The following ARHGAP25 variants were observed in gnomAD, a reference collection of about 807,000 sequenced individuals.
ARHGAP25 encodes Rho GTPase activating protein 25, also known as rho GTPase-activating protein 25.
ARHGAP25 carries 34 observed loss-of-function variants against 71.0 expected under a neutral mutation model. That is an observed-to-expected ratio of 0.48 (90% CI 0.36 to 0.64). The LOEUF (loss-of-function observed/expected upper bound fraction) is 0.64, where lower values mean the gene tolerates loss of function less well. ARHGAP25 is among the 30% of genes least tolerant of loss of function. ARHGAP25 has a pLI of 0.00. For missense variants in ARHGAP25, 706 were observed against 805.1 expected, an observed-to-expected ratio of 0.88 and a Z score of 1.49; for synonymous variants, 282 against 296.5, an observed-to-expected ratio of 0.95 and a Z score of 0.50.
chr2:68,756,814 A>G (rs1676507876), intron 1 of ARHGAP25, among the ~76,000 whole-genome samples: 1 of 152,224 alleles, frequency 6.6e-6, no homozygotes. Flanking sequence ...AACAAAGACC[A>G]ACAGAAACAG....
At chr2:68,778,595 C>T (rs995157913) in intron 2 of ARHGAP25, among the ~76,000 whole-genome samples, 23 of 152,172 alleles carry the variant, frequency 1.5e-4, no homozygotes, top group African/African-American at 5.1e-4. Flanking sequence ...AGCCATCAGG[C>T]GTAAGGGCCC....
chr2:68,813,500 G>A (rs1362738892), intron 6 of ARHGAP25, 81 bp downstream of exon 6: 4 of 1,492,504 alleles, frequency 2.7e-6, no homozygotes, highest in Admixed American at 2.2e-5. Flanking sequence ...GCAACAGTGG[G>A]TCAAGGGGCC....
chr2:68,727,333 G>A (rs1450391172), intron 2 of ARHGAP25, among the ~76,000 whole-genome samples: 1 of 152,100 alleles, frequency 6.6e-6, no homozygotes, highest in Non-Finnish European at 1.5e-5. Context: ...TAAGATGTGG[G>A]TACAAAAAGT....
rs899784543 is a variant in ARHGAP25, at chr2:68,815,489, C to G, written c.808-800C>G. 3.2e-5 allele frequency among the ~76,000 whole-genome samples: 4 copies of G among 123,180 alleles called. No individual in the cohort carries two copies. In the East Asian group the frequency reaches 1.1e-3, roughly 34 times the overall value. 80.8% of individuals were successfully genotyped at this position (123,180 alleles called of 152,430 possible). On this transcript the variant is annotated intron_variant, in intron 6 of 10. Transcript: ENST00000409202. Reference sequence around the variant, plus strand: ...TTTTTGAGATGGAGTTTGGCTCTTTCGCCCAGGCTGGAGTGCAGTGGCGCG... The same window carrying G: ...TTTTTGAGATGGAGTTTGGCTCTTTGGCCCAGGCTGGAGTGCAGTGGCGCG...
chr2:68,813,098 G>A (rs1680950766), intron 5 of ARHGAP25, among the ~76,000 whole-genome samples, 189 bp from the exon 6 acceptor site: 1 of 152,170 alleles, frequency 6.6e-6, no homozygotes, highest in Non-Finnish European at 1.5e-5. Context: ...ATTTATTCAA[G>A]AATGTTGTTC....
Position 68,826,057 on chromosome 2 carries a change from A to G in ARHGAP25, c.1804A>G (p.Lys602Glu), listed in dbSNP as rs1439530185. 6.2e-7 allele frequency: 1 copy of G among 1,614,100 alleles called. No homozygotes were observed. The highest frequency in any genetic ancestry group is 1.3e-5 in the African/African-American group (1 of 75,038). Residue 602 changes from lysine to glutamate, a missense_variant, in exon 11 of 11, where the codon AAG (lysine) becomes GAG (glutamate). Coordinates refer to ENST00000409202, the MANE Select transcript of ARHGAP25 (RefSeq NM_001007231.3). ...RLNEELEKEK[K>E]KSAALEISLR... ...CAATGAAGAACTGGAGAAGGAAAAG[A>G]AGAAGTCTGCAGCCCTAGAGATCAG... is the stretch of plus-strand genomic sequence containing the variant.
intron 9 of ARHGAP25, chr2:68,819,732 T>C: frequency 2.0e-6 from 1 of 506,608 alleles, no homozygotes; most frequent in Non-Finnish European, 3.5e-6. Flanking sequence ...CGTGATTCCT[T>C]TCTCAGAGTA....
rs185843197 is a variant in ARHGAP25 at position 68,763,974 on chromosome 2, T to C, written c.62-11247T>C. ...TTATAGGGTTGTGTGATGATTACCATAGTCCAGTTTTAGGACATTTTTATT... is the reference window on the plus strand; with the variant it reads ...TTATAGGGTTGTGTGATGATTACCACAGTCCAGTTTTAGGACATTTTTATT... On this transcript the variant is annotated intron_variant, in intron 1 of 10. Transcript: ENST00000409202. Among the ~76,000 whole-genome samples, 477 of 152,334 alleles carry C rather than the reference T, an allele frequency of 3.1e-3. 3 individuals carry two copies. The highest frequency in any genetic ancestry group is 0.011 in the African/African-American group (458 of 41,574).
chr2:68,720,327 A>AG (rs1674728021), intron 2 of ARHGAP25, among the ~76,000 whole-genome samples: 2 of 150,820 alleles, frequency 1.3e-5, no homozygotes, highest in African/African-American at 4.9e-5. Context: ...AAAAAAAAAA[A>AG]AAAAAAGAAA....
At chr2:68,742,506 A>T (rs1338549889) in intron 1 of ARHGAP25, among the ~76,000 whole-genome samples, 3 of 152,230 alleles carry the variant, frequency 2.0e-5, no homozygotes, top group Non-Finnish European at 4.4e-5. Context: ...AAATGAGTGC[A>T]ATCCTAGTGC....
intron 5 of ARHGAP25, 88 bp downstream of exon 5, chr2:68,807,568 G>T: frequency 1.5e-6 from 2 of 1,331,484 alleles, no homozygotes; most frequent in Non-Finnish European, 2.1e-6. Context: ...TTGAGCTATG[G>T]GACTTGCATA....
Position 68,759,287 on chromosome 2 carries a change from A to T in ARHGAP25, c.62-15934A>T, listed in dbSNP as rs186977480. On this transcript the variant is annotated intron_variant, in intron 1 of 10. Coordinates refer to ENST00000409202, the MANE Select transcript of ARHGAP25 (RefSeq NM_001007231.3). ...AAAAATAAGAGAGAAAGTTAACAAA[A>T]CAAAAACTTAGCTCTTCAAAAAGGT... Among the ~76,000 whole-genome samples the T allele has an allele frequency of 1.4e-4, 22 of 151,742 alleles. No homozygotes were observed. The East Asian group carries it at 4.2e-3, about 29-fold the overall frequency.
rs544987231 is a variant in ARHGAP25, at chr2:68,774,980, G to T, written c.62-241G>T. ...CCGCGGTGCCGGACTGCCTGTGCAC[G>T]GGGCCACCGACTGCAGCCTGGGTTT... On this transcript the variant is annotated intron_variant, in intron 1 of 10. Transcript: ENST00000409202. 2.6e-5 allele frequency: 37 copies of T among 1,434,108 alleles called. 1 individual carries two copies. The Admixed American group carries it at 3.4e-4, about 13-fold the overall frequency. 88.8% of individuals were successfully genotyped at this position (1,434,108 alleles called of 1,614,324 possible). A position where few individuals can be genotyped will look rare whatever the true frequency, so the allele number is the denominator to read the frequency against.
At chr2:68,801,440 G>A (rs1026884269) in intron 4 of ARHGAP25, among the ~76,000 whole-genome samples, 5 of 152,332 alleles carry the variant, frequency 3.3e-5, no homozygotes, top group East Asian at 1.9e-4. Flanking sequence ...ACATGAGAAA[G>A]TGTCCCAAGA....
At chr2:68,736,605 A>G (rs1444315389) in intron 1 of ARHGAP25, among the ~76,000 whole-genome samples, 2 of 152,228 alleles carry the variant, frequency 1.3e-5, no homozygotes, top group Non-Finnish European at 2.9e-5. Context: ...ATTAATAGTT[A>G]AATGATTTTT....
chr2:68,813,170 C>A, intron 5 of ARHGAP25, 117 bp from the exon 6 acceptor site: 1 of 1,259,238 alleles, frequency 7.9e-7, no homozygotes, highest in Non-Finnish European at 1.1e-6. Flanking sequence ...TACTCCTCTG[C>A]AAAATTTCCC....
At chr2:68,816,110 C>T (rs1249235790) in intron 6 of ARHGAP25, 179 bp from the exon 7 acceptor site, 3 of 664,460 alleles carry the variant, frequency 4.5e-6, no homozygotes, top group Non-Finnish European at 8.1e-6. Context: ...AAAAAAAATT[C>T]TGTGAGAATT....
Position 68,819,124 on chromosome 2 carries a change from G to T in ARHGAP25, c.1005G>T (p.Gly335=). The T allele has an allele frequency of 1.3e-6, 2 of 1,541,414 alleles. No homozygotes were observed. The highest frequency in any genetic ancestry group is 1.7e-6 in the Non-Finnish European group (2 of 1,144,456). Residue 335 remains glycine, a splice_region_variant and synonymous_variant, in exon 9 of 11, where the codon GGG becomes GGT. Transcript: ENST00000409202. The part of the protein sequence containing the change: ...KVEDPAVIMR[G]TPQIQRVMTM... Reference sequence around the variant, plus strand: ...AGATCTTTTTCTTCTGTCTTTCAGGGACTCCTCAGATCCAAAGAGTGATGA... The same window carrying T: ...AGATCTTTTTCTTCTGTCTTTCAGGTACTCCTCAGATCCAAAGAGTGATGA...
chr2:68,738,837 A>G (rs1675359440), intron 1 of ARHGAP25, among the ~76,000 whole-genome samples: 1 of 151,854 alleles, frequency 6.6e-6, no homozygotes, highest in Non-Finnish European at 1.5e-5. Flanking sequence ...AAAAAAAAAA[A>G]AAGAATATGA....
Sources: gnomAD v4.1 joint callset for allele counts (sites outside exome capture counted in the v4.1 genomes callset) on GRCh38, gnomAD v4.1.1 for gene constraint, MANE v1.5 for transcripts, NCBI Gene and HGNC (gene_info 2026-07-23, HGNC 2026-07-21) for gene names.